Variants in PTDSS1 observed in about 807,000 individuals in gnomAD.
PTDSS1 encodes the protein phosphatidylserine synthase 1, also known as PSS-1.
PTDSS1 carries 45 observed loss-of-function variants against 70.5 expected under a neutral mutation model. The ratio of observed to expected loss-of-function variants is 0.64; its 90% CI spans 0.50 to 0.82. The LOEUF (loss-of-function observed/expected upper bound fraction) is 0.82. Among genes scored for constraint, PTDSS1 ranks in the 40% least tolerant of loss-of-function variants. The pLI is 0.00. For synonymous variants in PTDSS1, 188 were observed against 203.8 expected, an observed-to-expected ratio of 0.92 and a Z score of 0.66; for missense variants, 417 against 586.1, an observed-to-expected ratio of 0.71 and a Z score of 2.98.
At chr8:96,307,211 A>G (rs886803900) in intron 8 of PTDSS1, among the ~76,000 whole-genome samples, 47 of 152,192 alleles carry the variant, frequency 3.1e-4, no homozygotes, top group African/African-American at 1.1e-3. Context: ...TTTTATAACT[A>G]ATACGGAATA....
chr8:96,275,519 T>C (rs975296252), intron 2 of PTDSS1, among the ~76,000 whole-genome samples: 1 of 152,264 alleles, frequency 6.6e-6, no homozygotes, highest in Admixed American at 6.5e-5. Flanking sequence ...TCTCATTGAA[T>C]TTTACGTTAG....
At chr8:96,299,263 T>C (rs1811018099) in intron 5 of PTDSS1, among the ~76,000 whole-genome samples, 1 of 152,160 alleles carries the variant, frequency 6.6e-6, no homozygotes, top group South Asian at 2.1e-4. Flanking sequence ...TACCTAAATA[T>C]CTAGGGGATA....
At position 96,334,547 on chromosome 8, in the gene PTDSS1, A is replaced by G. The variant is rs577508545; in HGVS notation, c.*981A>G. On this transcript the variant is annotated 3_prime_UTR_variant, in exon 13 of 13. Coordinates refer to ENST00000517309, the MANE Select transcript of PTDSS1 (RefSeq NM_014754.3). ...ATAAAAACGATTCACTTTAAAGCCTATCAAAGGTCTGTCTGTAAAATGCTC... is the reference window on the plus strand; with the variant it reads ...ATAAAAACGATTCACTTTAAAGCCTGTCAAAGGTCTGTCTGTAAAATGCTC... The G allele has an allele frequency of 2.9e-4, 45 of 152,800 alleles. No individual in the cohort carries two copies. The highest frequency in any genetic ancestry group is 9.9e-4 in the African/African-American group (41 of 41,584). 9.5% of individuals were successfully genotyped at this position (152,800 alleles called of 1,614,324 possible).
At chr8:96,313,582 C>T (rs1179193216) in intron 9 of PTDSS1, among the ~76,000 whole-genome samples, 1 of 152,198 alleles carries the variant, frequency 6.6e-6, no homozygotes, top group Non-Finnish European at 1.5e-5. Flanking sequence ...GGCCAAGCGT[C>T]GGCTGAACAG....
chr8:96,263,695 ACTT>A (rs1337386780), intron 1 of PTDSS1, among the ~76,000 whole-genome samples: 1 of 152,188 alleles, frequency 6.6e-6, no homozygotes, highest in African/African-American at 2.4e-5. Flanking sequence ...GATTGAGAGA[ACTT>A]CTAGTATTTG....
At position 96,335,395 on chromosome 8, in the gene PTDSS1, C is replaced by G. The variant is rs970021132; in HGVS notation, c.*1829C>G. 6.6e-6 allele frequency: 1 copy of G among 152,228 alleles called. No homozygotes were observed. Among genetic ancestry groups the G allele is most frequent in the Non-Finnish European group, 1.5e-5 (1 of 68,040 alleles). The allele number at this position is 152,228 out of a possible 1,614,324, so 9.4% of individuals were successfully genotyped here. On this transcript the variant is annotated 3_prime_UTR_variant, in exon 13 of 13. Coordinates refer to ENST00000517309, the MANE Select transcript of PTDSS1 (RefSeq NM_014754.3). ...AGACACCTGTCTCTTCTTTCTCACA[C>G]CGGTGGTGCCTCACTGAGTGTTTCC...
chr8:96,285,126 G>T (rs1810803192), intron 3 of PTDSS1, among the ~76,000 whole-genome samples: 1 of 152,250 alleles, frequency 6.6e-6, no homozygotes. Flanking sequence ...AAGACCAAGG[G>T]AGGTGACAGG....
At chr8:96,280,587 T>C (rs1205657448) in intron 2 of PTDSS1, among the ~76,000 whole-genome samples, 1 of 151,522 alleles carries the variant, frequency 6.6e-6, no homozygotes, top group East Asian at 1.9e-4. Flanking sequence ...AAAAGAAAAA[T>C]AAAATGATGT....
chr8:96,330,027 T>G (rs1360219088), intron 10 of PTDSS1, among the ~76,000 whole-genome samples, 186 bp from the exon 11 acceptor site: 4 of 152,294 alleles, frequency 2.6e-5, no homozygotes, highest in African/African-American at 9.6e-5. Context: ...TCATAACCTT[T>G]GTTGTCAGAA....
intron 2 of PTDSS1, 41 bp downstream of exon 2, chr8:96,273,431 G>T (rs747836963): frequency 6.8e-7 from 1 of 1,476,064 alleles, no homozygotes; most frequent in Non-Finnish European, 9.3e-7. Context: ...CCTATATTGT[G>T]CCTTTCTGGT....
At chr8:96,331,784 G>T (rs928009972) in intron 12 of PTDSS1, among the ~76,000 whole-genome samples, 1 of 151,962 alleles carries the variant, frequency 6.6e-6, no homozygotes, top group Admixed American at 6.6e-5. Context: ...AGGCACAGTG[G>T]CTCACGCCTG....
Position 96,273,283 on chromosome 8 carries a change from GT to G in PTDSS1, c.180-11del. ...GATCTGAAAGTAAATGCTCAATGTT[GT>G]TTTTCTATTTTCAGGGATGACTCTG... On this transcript the variant is annotated splice_polypyrimidine_tract_variant and intron_variant, in intron 1 of 12. Coordinates refer to ENST00000517309, the MANE Select transcript of PTDSS1 (RefSeq NM_014754.3). The G allele has an allele frequency of 6.4e-7, 1 of 1,565,926 alleles. No individual in the cohort carries two copies. Among genetic ancestry groups the G allele is most frequent in the Non-Finnish European group, 8.7e-7 (1 of 1,153,696 alleles).
intron 9 of PTDSS1, among the ~76,000 whole-genome samples, chr8:96,313,227 G>A (rs1183661590): frequency 2.0e-5 from 3 of 152,156 alleles, no homozygotes; most frequent in South Asian, 2.1e-4. Flanking sequence ...CATCCCTAAC[G>A]GTTGTGCCAT....
At chr8:96,319,505 C>T (rs199838760) in intron 9 of PTDSS1, among the ~76,000 whole-genome samples, 1 of 138,630 alleles carries the variant, frequency 7.2e-6, no homozygotes, top group East Asian at 2.2e-4. Context: ...TAAAAAAAAA[C>T]AAAAAATTTG....
intron 10 of PTDSS1, among the ~76,000 whole-genome samples, chr8:96,321,726 C>A (rs1473038521): frequency 6.6e-6 from 1 of 151,900 alleles, no homozygotes; most frequent in Non-Finnish European, 1.5e-5. Context: ...TTTAACGTGT[C>A]TTTTATCGCC....
chr8:96,273,335 C>T lies in PTDSS1; in HGVS notation c.216C>T (p.Gly72=). 6.2e-7 allele frequency: 1 copy of T among 1,612,396 alleles called. No homozygotes were observed. The highest frequency in any genetic ancestry group is 8.5e-7 in the Non-Finnish European group (1 of 1,179,384). ...TTCCAGAAGACAACATCTGGAGAGG[C>T]ATCCTCTCTGTTATTTTCTTCTTTC... is the stretch of plus-strand genomic sequence containing the variant. ...DSVPEDNIWR[G]ILSVIFFFLI... The change falls in exon 2 of 13, where the codon GGC becomes GGT. Residue 72 remains glycine, a synonymous_variant. Transcript: ENST00000517309.
intron 6 of PTDSS1, among the ~76,000 whole-genome samples, chr8:96,303,292 A>G (rs1380586972): frequency 6.6e-6 from 1 of 152,094 alleles, no homozygotes; most frequent in Non-Finnish European, 1.5e-5. Flanking sequence ...TTGTTGGTGG[A>G]TAGGTGGGTG....
chr8:96,315,844 G>C (rs1263151086), intron 9 of PTDSS1, among the ~76,000 whole-genome samples: 4 of 152,206 alleles, frequency 2.6e-5, no homozygotes, highest in Admixed American at 1.3e-4. Flanking sequence ...GGAAAGATCA[G>C]AGAGATTTAA....
chr8:96,311,600 A>C (rs1215859316), intron 9 of PTDSS1, among the ~76,000 whole-genome samples: 4 of 152,140 alleles, frequency 2.6e-5, no homozygotes, highest in Non-Finnish European at 4.4e-5. Context: ...TTAAAGGCTA[A>C]AAATGTTGAT....
Sources: allele counts gnomAD v4.1 joint callset (sites outside exome capture counted in the v4.1 genomes callset), GRCh38; gene constraint gnomAD v4.1.1; transcripts MANE v1.5; gene names NCBI Gene and HGNC (gene_info 2026-07-23, HGNC 2026-07-21).